The following GRIP1 variants were observed in gnomAD, a reference collection of about 807,000 sequenced individuals.
GRIP1 encodes the protein glutamate receptor interacting protein 1, also known as glutamate receptor-interacting protein 1.
In GRIP1, 45 loss-of-function variants were observed where a neutral mutation model predicts 129.9. The ratio of observed to expected loss-of-function variants is 0.35; its 90% CI spans 0.27 to 0.44. The LOEUF is 0.44. GRIP1 is among the 20% of genes least tolerant of loss of function. The probability of loss-of-function intolerance (pLI) is 1.00; values close to 1 mark genes in which losing one functional copy is unlikely to be tolerated. For missense variants in GRIP1, 1,196 were observed against 1,396.8 expected, an observed-to-expected ratio of 0.86 and a Z score of 2.29; for synonymous variants, 530 against 520.8, an observed-to-expected ratio of 1.02 and a Z score of -0.24.
At position 66,636,715 on chromosome 12, in the gene GRIP1, C is replaced by CTCTGTGTGTGTG. The variant is rs779418554; in HGVS notation, c.56-39789_56-39788insCACACACACAGA. ...TAAAACAGGGGGAGACATTAGATCT[C>CTCTGTGTGTGTG]TGTGTGTGTGTGTGTGTGTGTGTGT... On this transcript the variant is annotated intron_variant, in intron 1 of 24. Transcript: ENST00000359742. Among the ~76,000 whole-genome samples the CTCTGTGTGTGTG allele has an allele frequency of 9.4e-3, 1,370 of 145,196 alleles. 19 individuals are homozygous for CTCTGTGTGTGTG. Among genetic ancestry groups the CTCTGTGTGTGTG allele is most frequent in the African/African-American group, 0.033 (1,287 of 39,066 alleles).
intron 1 of GRIP1, among the ~76,000 whole-genome samples, chr12:66,825,403 A>T (rs1160047075): frequency 6.6e-6 from 1 of 152,182 alleles, no homozygotes; most frequent in Non-Finnish European, 1.5e-5. Context: ...TTTCGTACAA[A>T]GGGCATTAGC....
At chr12:66,866,830 C>T (rs998544910) in intron 1 of GRIP1, among the ~76,000 whole-genome samples, 4 of 152,068 alleles carry the variant, frequency 2.6e-5, no homozygotes, top group African/African-American at 9.7e-5. Context: ...GTTCTCACCA[C>T]AAAAACAATA....
intron 1 of GRIP1, among the ~76,000 whole-genome samples, chr12:67,048,970 A>G (rs561242904): frequency 3.3e-5 from 5 of 152,202 alleles, no homozygotes; most frequent in African/African-American, 1.2e-4. Context: ...TGATACAGAC[A>G]TGTACTCCCA....
At chr12:66,473,297 G>T (rs58459118) in intron 7 of GRIP1, among the ~76,000 whole-genome samples, 40,244 of 152,074 alleles carry the variant, frequency 0.26, 5,537 homozygotes, top group Middle Eastern at 0.43. Context: ...TCTGGGCAGG[G>T]CATCTCTGAA....
chr12:66,538,989 T>C, intron 4 of GRIP1, 89 bp downstream of exon 4: 2 of 1,082,544 alleles, frequency 1.8e-6, no homozygotes, highest in South Asian at 1.3e-5. Context: ...ACCTGATATA[T>C]ATAGGGTTTG....
At position 66,422,630 on chromosome 12, in the gene GRIP1, T is replaced by C. The variant is rs79148884; in HGVS notation, c.1769-1841A>G. 4.3e-3 allele frequency among the ~76,000 whole-genome samples: 651 copies of C among 152,238 alleles called. 6 individuals carry two copies. The highest frequency in any genetic ancestry group is 0.015 in the African/African-American group (616 of 41,554). ...TGAAATGGTCTGTAAAACCAAACAA[T>C]AGTAGAGGCAACAAAATATATCAGA... is the stretch of plus-strand genomic sequence containing the variant. On this transcript the variant is annotated intron_variant, in intron 14 of 24. Coordinates refer to ENST00000359742, the MANE Select transcript of GRIP1 (RefSeq NM_001366722.1).
intron 9 of GRIP1, among the ~76,000 whole-genome samples, chr12:66,458,392 TTTTTC>T (rs2138268151): frequency 6.6e-6 from 1 of 152,288 alleles, no homozygotes; most frequent in South Asian, 2.1e-4. Context: ...GGTTACTTTT[TTTTTC>T]TTTTGAGACA....
chr12:66,674,066 G>A lies in GRIP1; in HGVS notation c.55+4784C>T, dbSNP rs185450711. Among the ~76,000 whole-genome samples the A allele has an allele frequency of 2.6e-5, 4 of 152,252 alleles. No individual in the cohort carries two copies. In the East Asian group the frequency reaches 7.7e-4, roughly 29 times the overall value. On this transcript the variant is annotated intron_variant, in intron 1 of 24. Coordinates refer to ENST00000359742, the MANE Select transcript of GRIP1 (RefSeq NM_001366722.1). ...TTAACGAGGTGGAGGATACAGTTAA[G>A]TTGTTCCAGATGGCAGGATCTGACA...
intron 2 of GRIP1, among the ~76,000 whole-genome samples, chr12:66,593,452 G>A (rs2063918589): frequency 6.6e-6 from 1 of 152,138 alleles, no homozygotes; most frequent in Non-Finnish European, 1.5e-5. Flanking sequence ...GGACAGAAAT[G>A]TTTAAAGTTA....
intron 1 of GRIP1, among the ~76,000 whole-genome samples, chr12:66,812,751 T>C (rs1260005740): frequency 2.0e-5 from 3 of 152,246 alleles, no homozygotes; most frequent in Non-Finnish European, 2.9e-5. Context: ...CATGATGGCT[T>C]TGACCAACTT....
At chr12:67,031,045 T>C (rs2043014799) in intron 1 of GRIP1, among the ~76,000 whole-genome samples, 1 of 152,122 alleles carries the variant, frequency 6.6e-6, no homozygotes. Flanking sequence ...ACATCCTCAA[T>C]GAATATCTCT....
At chr12:67,064,842 G>A (rs969175771) in intron 1 of GRIP1, among the ~76,000 whole-genome samples, 6 of 151,592 alleles carry the variant, frequency 4.0e-5, no homozygotes, top group Admixed American at 1.3e-4. Flanking sequence ...ATGCTGGTGC[G>A]CTGCACCCAC....
rs576806193 is a variant in GRIP1, at chr12:66,548,016, A to C, written c.137-6066T>G. Among the ~76,000 whole-genome samples, 5 of 152,328 alleles carry C rather than the reference A, an allele frequency of 3.3e-5. No homozygotes were observed. In the South Asian group the frequency reaches 1.0e-3, roughly 32 times the overall value. On this transcript the variant is annotated intron_variant, in intron 2 of 24. Coordinates refer to ENST00000359742, the MANE Select transcript of GRIP1 (RefSeq NM_001366722.1). Reference sequence around the variant, plus strand: ...TTAATTTTTTAAAAAATGTCCCATCAGTGGGTATATGATTCAATTGGTCTG... The same window carrying C: ...TTAATTTTTTAAAAAATGTCCCATCCGTGGGTATATGATTCAATTGGTCTG...
intron 1 of GRIP1, among the ~76,000 whole-genome samples, chr12:67,025,436 CTT>C (rs56320923): frequency 0.26 from 39,653 of 152,038 alleles, 6,516 homozygotes; most frequent in East Asian, 0.59. Flanking sequence ...GAACAGGAAA[CTT>C]ATTAAAAACT....
chr12:66,580,379 C>G (rs201261714), intron 2 of GRIP1, among the ~76,000 whole-genome samples: 4 of 148,096 alleles, frequency 2.7e-5, no homozygotes, highest in African/African-American at 9.9e-5. Context: ...CTAACATCAT[C>G]ATGACAGGAT....
chr12:66,940,468 C>T (rs1046150666), intron 1 of GRIP1, among the ~76,000 whole-genome samples: 1 of 152,076 alleles, frequency 6.6e-6, no homozygotes, highest in African/African-American at 2.4e-5. Flanking sequence ...CAAAATTATA[C>T]CAATCAGCAC....
chr12:66,523,960 A>C lies in GRIP1; in HGVS notation c.502+5871T>G, dbSNP rs2061122684. ...CCATTACATAATGGTAAAGGGATCA[A>C]TTCAACAAGAAGAGCTAACTATCCT... is the stretch of plus-strand genomic sequence containing the variant. On this transcript the variant is annotated intron_variant, in intron 5 of 24. Coordinates refer to ENST00000359742, the MANE Select transcript of GRIP1 (RefSeq NM_001366722.1). Among the ~76,000 whole-genome samples, 3 of 152,362 alleles carry C rather than the reference A, an allele frequency of 2.0e-5. No homozygotes were observed. In the South Asian group the frequency reaches 6.2e-4, roughly 32 times the overall value.
intron 7 of GRIP1, among the ~76,000 whole-genome samples, chr12:66,495,560 CT>C (rs908825363): frequency 2.2e-4 from 33 of 151,878 alleles, no homozygotes; most frequent in African/African-American, 5.1e-4. Context: ...AAAAATGAAA[CT>C]TTTTTTTCCC....
At chr12:66,439,390 C>T (rs2058407411) in intron 13 of GRIP1, among the ~76,000 whole-genome samples, 1 of 152,194 alleles carries the variant, frequency 6.6e-6, no homozygotes, top group Non-Finnish European at 1.5e-5. Flanking sequence ...CTCCCTCATT[C>T]CTTTCTCTCA....
Sources: allele counts gnomAD v4.1 joint callset (sites outside exome capture counted in the v4.1 genomes callset), GRCh38; gene constraint gnomAD v4.1.1; transcripts MANE v1.5; gene names NCBI Gene and HGNC (gene_info 2026-07-23, HGNC 2026-07-21).